APP: variants seen among roughly 807,000 people sequenced by gnomAD.
The protein encoded by APP is amyloid-beta precursor protein.
A neutral mutation model predicts 101.4 loss-of-function variants in APP; 31 were observed. The ratio of observed to expected loss-of-function variants is 0.31; its 90% CI spans 0.23 to 0.41. The LOEUF (loss-of-function observed/expected upper bound fraction) is 0.41. Among genes scored for constraint, APP ranks in the 10% least tolerant of loss-of-function variants. APP has a pLI of 1.00. For synonymous variants in APP, 366 were observed against 364.4 expected (o/e 1.00, Z -0.05); for missense variants, 839 against 1,003.7 (o/e 0.84, Z 2.22).
At chr21:26,078,987 G>A (rs2061545526) in intron 3 of APP, among the ~76,000 whole-genome samples, 1 of 147,566 alleles carries the variant, frequency 6.8e-6, no homozygotes, top group Non-Finnish European at 1.5e-5. Flanking sequence ...AGGTTGGGGT[G>A]AGCTGAGATT....
chr21:26,039,559 C>T (rs762726324), intron 5 of APP, among the ~76,000 whole-genome samples: 2 of 152,170 alleles, frequency 1.3e-5, no homozygotes, highest in Non-Finnish European at 2.9e-5. Context: ...CAAATCTTTT[C>T]CAGAATTACA....
intron 12 of APP, 132 bp downstream of exon 12, chr21:25,955,495 A>C (rs944913552): frequency 9.4e-5 from 122 of 1,293,482 alleles, no homozygotes; most frequent in Middle Eastern, 2.5e-4. Context: ...AATTTACCAG[A>C]AGTTAAAGAG....
chr21:26,156,504 G>A (rs548875563), intron 1 of APP, among the ~76,000 whole-genome samples: 1 of 152,262 alleles, frequency 6.6e-6, no homozygotes, highest in Admixed American at 6.5e-5. Context: ...ATGATTTTAT[G>A]CAAAGGTATA....
chr21:25,897,497 G>T, intron 16 of APP, 76 bp downstream of exon 16: 2 of 1,091,072 alleles, frequency 1.8e-6, no homozygotes, highest in Non-Finnish European at 2.8e-6. Context: ...TTGATTTCTA[G>T]CACAGGATGA....
At chr21:25,992,244 T>C (rs964963365) in intron 8 of APP, among the ~76,000 whole-genome samples, 1 of 151,988 alleles carries the variant, frequency 6.6e-6, no homozygotes, top group Non-Finnish European at 1.5e-5. Context: ...ATTAGCTGTG[T>C]GTGGTGGCAG....
At chr21:26,158,853 C>T (rs975839661) in intron 1 of APP, among the ~76,000 whole-genome samples, 1 of 152,020 alleles carries the variant, frequency 6.6e-6, no homozygotes, top group Non-Finnish European at 1.5e-5. Flanking sequence ...GAGTTTGTAC[C>T]TCCTCTATTA....
chr21:25,904,250 G>A (rs573390807), intron 15 of APP, among the ~76,000 whole-genome samples: 2 of 152,114 alleles, frequency 1.3e-5, no homozygotes, highest in South Asian at 2.1e-4. Flanking sequence ...AGTTGGGTGA[G>A]GTTGTTCATA....
intron 17 of APP, among the ~76,000 whole-genome samples, chr21:25,886,302 A>G (rs181479699): frequency 1.2e-3 from 189 of 152,166 alleles, no homozygotes; most frequent in African/African-American, 4.4e-3. Flanking sequence ...CCATCTCTCT[A>G]TAGTTATATA....
intron 17 of APP, among the ~76,000 whole-genome samples, chr21:25,891,207 G>C (rs1408199941): frequency 6.6e-6 from 1 of 151,296 alleles, no homozygotes; most frequent in Non-Finnish European, 1.5e-5. Flanking sequence ...ATTTGGTATA[G>C]TGTGATTTCC....
chr21:26,043,085 C>A (rs905096992), intron 5 of APP, among the ~76,000 whole-genome samples: 2 of 152,104 alleles, frequency 1.3e-5, no homozygotes, highest in Non-Finnish European at 2.9e-5. Flanking sequence ...CTTATTCTTA[C>A]AATTTTCCTT....
chr21:26,046,012 C>T (rs2045593523), intron 5 of APP, among the ~76,000 whole-genome samples: 1 of 152,092 alleles, frequency 6.6e-6, no homozygotes. Flanking sequence ...AGAACTTGTG[C>T]AGGGGAACCC....
chr21:25,976,406 T>C (rs146842502), intron 9 of APP, among the ~76,000 whole-genome samples: 12 of 152,308 alleles, frequency 7.9e-5, no homozygotes, highest in African/African-American at 2.2e-4. Context: ...TTTACTCTCT[T>C]ATGAAAGCAA....
chr21:26,111,874 T>A, intron 2 of APP, 105 bp downstream of exon 2: 1 of 1,246,026 alleles, frequency 8.0e-7, no homozygotes, highest in Non-Finnish European at 1.2e-6. Flanking sequence ...AACCAAGATT[T>A]TTACTGTAGG....
Position 26,112,029 on chromosome 21 carries a change from T to A in APP, c.175A>T (p.Thr59Ser). The A allele has an allele frequency of 6.2e-7, 1 of 1,614,174 alleles. No individual in the cohort carries two copies. ...NGKWDSDPSG[T>S]KTCIDTKEGI... ...TCCTTGGTATCAATGCAGGTTTTGG[T>A]CCCTGATGGATCTGAATCCCACTTC... Residue 59 changes from threonine (T) to serine (S), a missense_variant, in exon 2 of 18, where the codon ACC becomes TCC. Transcript: ENST00000346798.
intron 17 of APP, among the ~76,000 whole-genome samples, chr21:25,889,399 G>A (rs1601285492): frequency 6.6e-6 from 1 of 152,210 alleles, no homozygotes; most frequent in African/African-American, 2.4e-5. Flanking sequence ...AGAAATGTGA[G>A]AGGGTAAATT....
At chr21:25,887,593 TAC>T (rs1222890853) in intron 17 of APP, among the ~76,000 whole-genome samples, 1 of 140,294 alleles carries the variant, frequency 7.1e-6, no homozygotes, top group Non-Finnish European at 1.5e-5. Flanking sequence ...CCAATAAAAA[TAC>T]AGTTATGGGC....
chr21:26,069,389 TC>T (rs1335008368), intron 3 of APP, among the ~76,000 whole-genome samples: 4 of 152,034 alleles, frequency 2.6e-5, no homozygotes, highest in Non-Finnish European at 5.9e-5. Context: ...TCCTCTCCCT[TC>T]CATCCACTAC....
intron 13 of APP, among the ~76,000 whole-genome samples, chr21:25,925,430 A>G (rs921682871): frequency 6.6e-6 from 1 of 152,100 alleles, no homozygotes; most frequent in Non-Finnish European, 1.5e-5. Flanking sequence ...CTCTTGCTAC[A>G]TGGGTGTTCT....
chr21:25,977,063 G>A (rs894133445), intron 9 of APP, among the ~76,000 whole-genome samples: 5 of 152,144 alleles, frequency 3.3e-5, no homozygotes, highest in African/African-American at 9.7e-5. Context: ...CCAGGCTGGG[G>A]TATTCTATTA....
Sources: gnomAD v4.1 joint callset for allele counts (sites outside exome capture counted in the v4.1 genomes callset) on GRCh38, gnomAD v4.1.1 for gene constraint, MANE v1.5 for transcripts, NCBI Gene and HGNC (gene_info 2026-07-23, HGNC 2026-07-21) for gene names.